The following NFIC variants were observed in gnomAD, a reference collection of about 807,000 sequenced individuals.
The protein encoded by NFIC is nuclear factor I C.
Under a neutral mutation model 54.4 loss-of-function variants are expected in NFIC, and 12 were observed. The ratio of observed to expected loss-of-function variants is 0.22; its 90% CI spans 0.14 to 0.36. NFIC has a LOEUF of 0.36. Ranked by LOEUF, NFIC falls within the 10% of genes least tolerant of loss-of-function variation. The pLI is 1.00. For missense variants in NFIC, 575 were observed against 718.2 expected (o/e 0.80, Z 2.28); for synonymous variants, 322 against 319.2 (o/e 1.01, Z -0.09).
intron 6 of NFIC, among the ~76,000 whole-genome samples, chr19:3,437,938 C>T (rs910212316): frequency 3.3e-5 from 5 of 152,012 alleles, no homozygotes; most frequent in East Asian, 1.9e-4. Flanking sequence ...TCAAGTGATC[C>T]GCCCATCTCA....
chr19:3,387,997 G>T (rs1384181849), intron 2 of NFIC, among the ~76,000 whole-genome samples: 1 of 152,162 alleles, frequency 6.6e-6, no homozygotes, highest in Non-Finnish European at 1.5e-5. Flanking sequence ...GGCTGGGCGG[G>T]GGAGGGGCTG....
intron 10 of NFIC, 189 bp downstream of exon 10, chr19:3,456,824 C>A: frequency 1.6e-6 from 1 of 633,186 alleles, no homozygotes; most frequent in Non-Finnish European, 2.8e-6. Context: ...TTCCCTCCAC[C>A]TTGGTCCTGG....
chr19:3,392,570 C>T (rs977657751), intron 2 of NFIC, among the ~76,000 whole-genome samples: 87 of 152,288 alleles, frequency 5.7e-4, no homozygotes, highest in African/African-American at 2.1e-3. Flanking sequence ...CCGGGTGGGG[C>T]CCGGCCCTCC....
At chr19:3,377,685 C>T (rs2081132262) in intron 1 of NFIC, among the ~76,000 whole-genome samples, 1 of 152,084 alleles carries the variant, frequency 6.6e-6, no homozygotes, top group Admixed American at 6.6e-5. Flanking sequence ...AATCACAGCT[C>T]ACTGCAGCCT....
At chr19:3,366,261 C>T (rs1159190789), upstream of NFIC, among the ~76,000 whole-genome samples, 11 of 146,750 alleles carry the variant, frequency 7.5e-5, no homozygotes, top group Non-Finnish European at 1.2e-4. Context: ...GGTCCTGAGA[C>T]GTCGGGGGAG....
chr19:3,435,001 C>A (rs2082176376), intron 5 of NFIC, 82 bp from the exon 6 acceptor site: 3 of 1,462,822 alleles, frequency 2.1e-6, no homozygotes, highest in African/African-American at 2.8e-5. Context: ...CACTTAAGGA[C>A]CGGAAGTAGC....
At position 3,414,551 on chromosome 19, in the gene NFIC, C is replaced by G. The variant is rs376888090; in HGVS notation, c.563-10555C>G. ...TGGAGGTTGCAGTGAGCCGAGATCA[C>G]GTCACCGCACTCCAGTCTGGGAGAC... On this transcript the variant is annotated intron_variant, in intron 2 of 10. Transcript: ENST00000443272. Among the ~76,000 whole-genome samples, 3 of 151,700 alleles carry G rather than the reference C, an allele frequency of 2.0e-5. No individual in the cohort carries two copies. In the East Asian group the frequency reaches 5.8e-4, roughly 29 times the overall value.
At chr19:3,434,823 G>C (rs1226381820) in intron 5 of NFIC, among the ~76,000 whole-genome samples, 2 of 152,116 alleles carry the variant, frequency 1.3e-5, no homozygotes, top group Admixed American at 1.3e-4. Flanking sequence ...CTGGGTTTTG[G>C]TCTCCACCAT....
At chr19:3,363,236 T>TGTGTGTGTGCGC (rs1314178191), upstream of NFIC, among the ~76,000 whole-genome samples, 225 of 63,832 alleles carry the variant, frequency 3.5e-3, 3 homozygotes, top group African/African-American at 0.016. Context: ...TATGTGTATG[T>TGTGTGTGTGCGC]GTGTGTATAT....
intron 6 of NFIC, among the ~76,000 whole-genome samples, chr19:3,441,770 G>T (rs893999805): frequency 2.6e-5 from 4 of 152,198 alleles, no homozygotes; most frequent in African/African-American, 7.2e-5. Context: ...CCCAAGCCGG[G>T]TGCCTCCGCA....
chr19:3,459,804 G>T lies in NFIC; in HGVS notation c.1510-2948G>T, dbSNP rs1374210616. Among the ~76,000 whole-genome samples the T allele has an allele frequency of 6.6e-6, 1 of 152,246 alleles. No individual in the cohort carries two copies. Among genetic ancestry groups the T allele is most frequent in the Non-Finnish European group, 1.5e-5 (1 of 68,050 alleles). On this transcript the variant is annotated intron_variant, in intron 10 of 10. Transcript: ENST00000443272. This position sits in a 1 kb window ranked among gnomAD's most constrained non-coding sequence, Gnocchi z 4.2. ...TGAACTTGAACTTGGCTGGAGGTGG[G>T]GCGCTGGGAACCACTGTGGCGCCAG...
chr19:3,366,565 G>T (rs1277131199), upstream of NFIC: 20 of 935,636 alleles, frequency 2.1e-5, no homozygotes, highest in Non-Finnish European at 2.5e-5. Context: ...GCGGGGGGGT[G>T]GTTTGGAAAA....
At chr19:3,361,280 G>C (rs2080807741) in intron 1 of NFIC, among the ~76,000 whole-genome samples, 1 of 152,152 alleles carries the variant, frequency 6.6e-6, no homozygotes, top group Non-Finnish European at 1.5e-5. Context: ...GAGAGGCCGT[G>C]GAAGTCCCGA....
intron 2 of NFIC, among the ~76,000 whole-genome samples, chr19:3,405,137 CCAGG>C (rs2081626347): frequency 6.6e-6 from 1 of 152,210 alleles, no homozygotes; most frequent in Non-Finnish European, 1.5e-5. Flanking sequence ...TGGCTCCGGC[CCAGG>C]CGGCCCGGCG....
At chr19:3,442,778 C>T (rs113085396) in intron 6 of NFIC, among the ~76,000 whole-genome samples, 66 of 152,326 alleles carry the variant, frequency 4.3e-4, no homozygotes, top group African/African-American at 1.6e-3. Context: ...CTCCACCCCC[C>T]CTTGGCTCTA....
rs979998755 is a variant in NFIC, at chr19:3,462,040, G to A, written c.1510-712G>A. Reference sequence around the variant, plus strand: ...CTGCACTCCAGCCTGGCAACAGAGCGAGACTCTGTCTCAATAAATAAATAA... The same window carrying A: ...CTGCACTCCAGCCTGGCAACAGAGCAAGACTCTGTCTCAATAAATAAATAA... On this transcript the variant is annotated intron_variant, in intron 10 of 10. Transcript: ENST00000443272. 5.3e-5 allele frequency among the ~76,000 whole-genome samples: 8 copies of A among 151,602 alleles called. 1 individual carries two copies. The highest frequency in any genetic ancestry group is 1.7e-4 in the African/African-American group (7 of 41,360).
intron 3 of NFIC, among the ~76,000 whole-genome samples, chr19:3,425,591 C>G (rs1415419067): frequency 6.6e-6 from 1 of 152,124 alleles, no homozygotes; most frequent in African/African-American, 2.4e-5. Context: ...TCCCAAGTAG[C>G]TGGGATTACA....
rs1225984661 is a variant in NFIC, at chr19:3,464,439, C to T, written c.*1670C>T. 1.9e-5 allele frequency: 19 copies of T among 984,822 alleles called. No homozygotes were observed. The South Asian group carries it at 7.1e-4, about 37-fold the overall frequency. 61.0% of individuals were successfully genotyped at this position (984,822 alleles called of 1,614,324 possible). A position where few individuals can be genotyped will look rare whatever the true frequency, so the allele number is the denominator to read the frequency against. ...GCCCTATCCACACCTCCACCCCCAC[C>T]CCAGGATCGCCATCTTTAGGGGAGG... On this transcript the variant is annotated 3_prime_UTR_variant, in exon 11 of 11. Transcript: ENST00000443272.
intron 3 of NFIC, among the ~76,000 whole-genome samples, chr19:3,428,089 G>A (rs1232000558): frequency 2.0e-5 from 3 of 151,612 alleles, no homozygotes; most frequent in Non-Finnish European, 2.9e-5. Flanking sequence ...AGAATTGCTT[G>A]AACCCGGGAG....
Sources: gnomAD v4.1 joint callset for allele counts (sites outside exome capture counted in the v4.1 genomes callset) on GRCh38, gnomAD v4.1.1 for gene constraint, Gnocchi (gnomAD v3.1) non-coding constraint, MANE v1.5 for transcripts, NCBI Gene and HGNC (gene_info 2026-07-23, HGNC 2026-07-21) for gene names.